Variants in SPTB observed in about 807,000 individuals in gnomAD.
SPTB encodes the protein spectrin beta chain, erythrocytic.
In SPTB, 45 loss-of-function variants were observed where a neutral mutation model predicts 256.2. The observed-to-expected ratio is 0.18, with a 90% confidence interval of 0.14 to 0.23. SPTB has a LOEUF of 0.23. Among genes scored for constraint, SPTB ranks in the 10% least tolerant of loss-of-function variants. The pLI, the probability that SPTB is intolerant of heterozygous loss-of-function variation, is 1.00. For synonymous variants in SPTB, 1,231 were observed against 1,243.1 expected (o/e 0.99, Z 0.21); for missense variants, 2,715 against 3,040.4 (o/e 0.89, Z 2.52).
intron 32 of SPTB, among the ~76,000 whole-genome samples, chr14:64,763,201 G>A (rs766163946): frequency 6.6e-5 from 10 of 152,218 alleles, no homozygotes; most frequent in Non-Finnish European, 1.3e-4. Flanking sequence ...GGAGGTGGGG[G>A]ATGCTCAGCA....
chr14:64,774,285 T>G, intron 24 of SPTB, 112 bp downstream of exon 24: 1 of 1,405,062 alleles, frequency 7.1e-7, no homozygotes, highest in Non-Finnish European at 9.5e-7. Flanking sequence ...TCCAGCCCTA[T>G]TTGATGGGAA....
Position 64,775,079 on chromosome 14 carries a change from CCT to C in SPTB, c.4842+44_4842+45del. 2 of 1,613,480 alleles carry C rather than the reference CCT, an allele frequency of 1.2e-6. No homozygotes were observed. The highest frequency in any genetic ancestry group is 1.7e-6 in the Non-Finnish European group (2 of 1,179,970). ...CTACCGACAGCCAACCTCAACTCTT[CCT>C]CTCTGCCTGGGCACCCTGGCTGGTA... On this transcript the variant is annotated intron_variant, in intron 23 of 35. Coordinates refer to ENST00000644917, the MANE Select transcript of SPTB (RefSeq NM_001355436.2). The surrounding 1 kb of genome is among the most constrained non-coding windows in gnomAD (Gnocchi z 5.0).
chr14:64,750,283 T>A, intron 33 of SPTB, 129 bp from the exon 34 acceptor site: 1 of 934,866 alleles, frequency 1.1e-6, no homozygotes, highest in Non-Finnish European at 1.5e-6. Context: ...GTTTTATTGT[T>A]AAAAAATCAT....
rs980057740 is a variant in SPTB at position 64,823,307 on chromosome 14, G to A, written c.-51-162C>T. Among the ~76,000 whole-genome samples, 2 of 152,192 alleles carry A rather than the reference G, an allele frequency of 1.3e-5. No homozygotes were observed. Among genetic ancestry groups the A allele is most frequent in the Non-Finnish European group, 2.9e-5 (2 of 68,028 alleles). ...TCCTACCAGGGTCTCTGGGTCGTTT[G>A]TTATAAAATATTGCAGCAGCAGCAG... is the stretch of plus-strand genomic sequence containing the variant. On this transcript the variant is annotated intron_variant, in intron 1 of 35. Coordinates refer to ENST00000644917, the MANE Select transcript of SPTB (RefSeq NM_001355436.2). The surrounding 1 kb of genome is among the most constrained non-coding windows in gnomAD (Gnocchi z 6.5).
At position 64,775,821 on chromosome 14, in the gene SPTB, GATTTATGCAGGATC is replaced by G. The variant is rs2082347929; in HGVS notation, c.4564-432_4564-419del. Among the ~76,000 whole-genome samples, 1 of 152,212 alleles carries G rather than the reference GATTTATGCAGGATC, an allele frequency of 6.6e-6. No homozygotes were observed. The highest frequency in any genetic ancestry group is 6.5e-5 in the Admixed American group (1 of 15,278). ...TACCTTATTCTAACAGCTTTTGCAG[GATTTATGCAGGATC>G]ATTTACGCAGGATACGCCCAACCCA... On this transcript the variant is annotated intron_variant, in intron 22 of 35. Transcript: ENST00000644917. This position sits in a 1 kb window ranked among gnomAD's most constrained non-coding sequence, Gnocchi z 5.0.
At position 64,806,130 on chromosome 14, in the gene SPTB, C is replaced by CA. The variant is rs149391822; in HGVS notation, c.149-1041dup. Among the ~76,000 whole-genome samples, 16,022 of 142,328 alleles carry CA rather than the reference C, an allele frequency of 0.11. 1,629 individuals are homozygous for CA. Among genetic ancestry groups the CA allele is most frequent in the African/African-American group, 0.29 (11,280 of 38,366 alleles). The allele number at this position is 142,328 out of a possible 152,430, so 93.4% of individuals were successfully genotyped here. A position where few individuals can be genotyped will look rare whatever the true frequency, so the allele number is the denominator to read the frequency against. ...GAGAGGACAGAAGACTGGGATGGCA[C>CA]AAAAAAAAGAGAGAGAAAAGGATAG... is the stretch of plus-strand genomic sequence containing the variant. On this transcript the variant is annotated intron_variant, in intron 2 of 35. Coordinates refer to ENST00000644917, the MANE Select transcript of SPTB (RefSeq NM_001355436.2). The surrounding 1 kb of genome is among the most constrained non-coding windows in gnomAD (Gnocchi z 4.1).
Position 64,786,822 on chromosome 14 carries a change from T to C in SPTB, c.3143A>G (p.Gln1048Arg). ...HLEELWQGLQ[Q>R]SLQGQEDLLG... ...CAAGTCCTCCTGGCCCTGCAGGGAT[T>C]GCTGCAGGCCCTGCCACAGCTCCTC... The change falls in exon 16 of 36, where the codon CAA (glutamine) becomes CGA (arginine). Residue 1048 changes from glutamine to arginine, a missense_variant. Gln to Arg is a conservative substitution (Grantham distance 43, BLOSUM62 1). Around this residue, in one of 4 missense-constraint regions of SPTB, gnomAD observed 2,239 missense variants for 2,384.4 expected, o/e 0.94. Coordinates refer to ENST00000644917, the MANE Select transcript of SPTB (RefSeq NM_001355436.2). This position sits in a 1 kb window ranked among gnomAD's most constrained non-coding sequence, Gnocchi z 5.6. The C allele has an allele frequency of 6.2e-7, 1 of 1,613,944 alleles. No homozygotes were observed. The highest frequency in any genetic ancestry group is 8.5e-7 in the Non-Finnish European group (1 of 1,180,010).
At position 64,844,697 on chromosome 14, in the gene SPTB, G is replaced by T. The variant is rs1222210318; in HGVS notation, c.-51-21552C>A. ...AATTGAAAAGTAACATGAAGAAGAG[G>T]CTATGACTTCCCAAAAACACCTACT... On this transcript the variant is annotated intron_variant, in intron 1 of 35. Transcript: ENST00000644917. The surrounding 1 kb of genome is among the most constrained non-coding windows in gnomAD (Gnocchi z 4.1). 2.0e-5 allele frequency among the ~76,000 whole-genome samples: 3 copies of T among 152,128 alleles called. No homozygotes were observed. Among genetic ancestry groups the T allele is most frequent in the African/African-American group, 7.2e-5 (3 of 41,410 alleles).
rs528140954 is a variant in SPTB, at chr14:64,761,674, C to T, written c.6345+5052G>A. Reference sequence around the variant, plus strand: ...GAAACCTGGTCCACTGTCACCAGGGCGTGAGAAGAGAATGAGGCTTCCTCG... The same window carrying T: ...GAAACCTGGTCCACTGTCACCAGGGTGTGAGAAGAGAATGAGGCTTCCTCG... On this transcript the variant is annotated intron_variant, in intron 32 of 35. Coordinates refer to ENST00000644917, the MANE Select transcript of SPTB (RefSeq NM_001355436.2). Among the ~76,000 whole-genome samples the T allele has an allele frequency of 7.9e-5, 12 of 152,264 alleles. No homozygotes were observed. The East Asian group carries it at 1.7e-3, about 22-fold the overall frequency.
At chr14:64,781,016 A>G (rs182651624) in intron 20 of SPTB, among the ~76,000 whole-genome samples, 126 of 152,366 alleles carry the variant, frequency 8.3e-4, no homozygotes, top group African/African-American at 2.8e-3. Context: ...AGAACTGGCT[A>G]GCCATATGCA....
At chr14:64,864,493 GA>G (rs1421040905) in intron 1 of SPTB, among the ~76,000 whole-genome samples, 2 of 152,136 alleles carry the variant, frequency 1.3e-5, no homozygotes, top group Non-Finnish European at 2.9e-5. Flanking sequence ...TCCTAATATG[GA>G]AAGACGTCCA....
chr14:64,793,875 A>C lies in SPTB; in HGVS notation c.1796-8T>G, dbSNP rs2082721209. The C allele has an allele frequency of 1.3e-6, 2 of 1,595,284 alleles. No individual in the cohort carries two copies. The highest frequency in any genetic ancestry group is 1.7e-6 in the Non-Finnish European group (2 of 1,175,154). On this transcript the variant is annotated splice_polypyrimidine_tract_variant and splice_region_variant and intron_variant, in intron 13 of 35. Transcript: ENST00000644917. The surrounding 1 kb of genome is among the most constrained non-coding windows in gnomAD (Gnocchi z 7.0). ...GGTCACAAGGCTGGTACCCTGGAAG[A>C]AATAGGGGGAAGGAGGACAAAGTGG...
intron 2 of SPTB, among the ~76,000 whole-genome samples, chr14:64,812,107 C>T (rs3819927): frequency 0.24 from 36,792 of 152,094 alleles, 4,565 homozygotes; most frequent in South Asian, 0.28. Flanking sequence ...TGCCAACACA[C>T]CCAGCTAATT....
At chr14:64,843,034 C>T (rs1244740363) in intron 1 of SPTB, among the ~76,000 whole-genome samples, 1 of 152,028 alleles carries the variant, frequency 6.6e-6, no homozygotes, top group Non-Finnish European at 1.5e-5. Context: ...CACTGCACTC[C>T]AGCCTGGGTG....
At chr14:64,835,511 G>T (rs892895168) in intron 1 of SPTB, among the ~76,000 whole-genome samples, 1 of 152,186 alleles carries the variant, frequency 6.6e-6, no homozygotes, top group Non-Finnish European at 1.5e-5. Context: ...CTCCCAAAGT[G>T]CTGGGAATAC....
At chr14:64,799,656 A>G (rs1429421668) in intron 9 of SPTB, 91 bp downstream of exon 9, 1 of 1,457,896 alleles carries the variant, frequency 6.9e-7, no homozygotes, top group East Asian at 2.4e-5. Context: ...CCTTGTGGAC[A>G]CACTTCATAA....
At position 64,779,462 on chromosome 14, in the gene SPTB, A is replaced by G. The variant is rs2082424663; in HGVS notation, c.4474-216T>C. Among the ~76,000 whole-genome samples, 3 of 152,202 alleles carry G rather than the reference A, an allele frequency of 2.0e-5. No homozygotes were observed. The highest frequency in any genetic ancestry group is 7.2e-5 in the African/African-American group (3 of 41,448). On this transcript the variant is annotated intron_variant, in intron 21 of 35. Transcript: ENST00000644917. The surrounding 1 kb of genome is among the most constrained non-coding windows in gnomAD (Gnocchi z 4.2). Reference sequence around the variant, plus strand: ...CTCCTAGTCAGACAGTGGGAAGGTAATGTAGCTGGATCTCGAACCCAAGTC... The same window carrying G: ...CTCCTAGTCAGACAGTGGGAAGGTAGTGTAGCTGGATCTCGAACCCAAGTC...
intron 1 of SPTB, among the ~76,000 whole-genome samples, chr14:64,858,539 G>A (rs1212918219): frequency 6.6e-6 from 1 of 152,154 alleles, no homozygotes; most frequent in African/African-American, 2.4e-5. Context: ...AAGAAGAGAG[G>A]AGAGAGACAG....
In SPTB at chr14:64,846,172, C is replaced by T. The variant is rs1330173925; in HGVS notation, c.-51-23027G>A. Among the ~76,000 whole-genome samples the T allele has an allele frequency of 2.0e-5, 3 of 152,196 alleles. No homozygotes were observed. In the East Asian group the frequency reaches 5.8e-4, roughly 29 times the overall value. On this transcript the variant is annotated intron_variant, in intron 1 of 35. Transcript: ENST00000644917. ...TGACTGGAATTCCCTTCTCCCTACA[C>T]ACAGAAGCCCGATCTCAACAACAGA...
Sources: allele counts gnomAD v4.1 joint callset (sites outside exome capture counted in the v4.1 genomes callset), GRCh38; gene constraint gnomAD v4.1.1; regional missense constraint gnomAD v4.1.1; non-coding constraint Gnocchi (gnomAD v3.1); transcripts MANE v1.5; gene names NCBI Gene and HGNC (gene_info 2026-07-23, HGNC 2026-07-21).